Variants in CFAP54 observed in about 807,000 individuals in gnomAD.
CFAP54 encodes the protein cilia and flagella associated protein 54, also known as cilia- and flagella-associated protein 54.
A neutral mutation model predicts 370.4 loss-of-function variants in CFAP54; 290 were observed. The observed-to-expected ratio is 0.78, with a 90% CI of 0.71 to 0.86. CFAP54 has a LOEUF of 0.86. Ranked by LOEUF, CFAP54 falls within the 40% of genes least tolerant of loss-of-function variation. The pLI is 0.00. For synonymous variants in CFAP54, 1,206 were observed against 1,236.5 expected, an observed-to-expected ratio of 0.98 and a Z score of 0.52; for missense variants, 3,399 against 3,528.7, an observed-to-expected ratio of 0.96 and a Z score of 0.93.
At chr12:96,498,463 G>T (rs1467257329) in intron 1 of CFAP54, among the ~76,000 whole-genome samples, 2 of 152,206 alleles carry the variant, frequency 1.3e-5, no homozygotes, top group Admixed American at 1.3e-4. Flanking sequence ...GACCATCCTG[G>T]TCAACATGGT....
chr12:96,817,911 G>C lies in CFAP54; in HGVS notation c.9094G>C (p.Glu3032Gln). The change falls in exon 65 of 68, where the codon GAA becomes CAA. Residue 3032 changes from glutamate (E) to glutamine (Q), a missense_variant and splice_region_variant. This residue lies in a region of CFAP54 where 2,796 missense variants were observed against 2,869.7 expected (regional missense o/e 0.97). Coordinates refer to ENST00000524981, the MANE Select transcript of CFAP54 (RefSeq NM_001306084.2). Reference sequence around the variant, plus strand: ...AGAGGAATCAGTTGATAATGAAATGGAAGTAAGTTGTTAAATAATGGAAAA... The same window carrying C: ...AGAGGAATCAGTTGATAATGAAATGCAAGTAAGTTGTTAAATAATGGAAAA... ...VEEESVDNEM[E>Q]DMIIQCCSEI... 6.8e-7 allele frequency: 1 copy of C among 1,460,502 alleles called. No homozygotes were observed. Among genetic ancestry groups the C allele is most frequent in the Non-Finnish European group, 9.0e-7 (1 of 1,107,440 alleles). The allele number at this position is 1,460,502 out of a possible 1,614,324, so 90.5% of individuals were successfully genotyped here. A position where few individuals can be genotyped will look rare whatever the true frequency, so the allele number is the denominator to read the frequency against.
chr12:96,666,891 C>G (rs1004046753), intron 39 of CFAP54, among the ~76,000 whole-genome samples: 1 of 152,198 alleles, frequency 6.6e-6, no homozygotes, highest in Non-Finnish European at 1.5e-5. Context: ...TCATCTGAGG[C>G]AAGGCAAGTC....
chr12:96,563,106 G>GT (rs886400480), intron 17 of CFAP54, among the ~76,000 whole-genome samples: 3 of 151,570 alleles, frequency 2.0e-5, no homozygotes, highest in East Asian at 1.9e-4. Context: ...GAGGATTAGA[G>GT]TTTTTTTTTA....
At chr12:96,858,639 T>A (rs11836723) in intron 66 of CFAP54, among the ~76,000 whole-genome samples, 1 of 151,904 alleles carries the variant, frequency 6.6e-6, no homozygotes, top group Non-Finnish European at 1.5e-5. Flanking sequence ...CAATACTGTT[T>A]GCAATTGCCA....
intron 49 of CFAP54, among the ~76,000 whole-genome samples, chr12:96,720,063 A>G (rs1957730291): frequency 6.6e-6 from 1 of 152,248 alleles, no homozygotes; most frequent in East Asian, 1.9e-4. Context: ...GCTCTCGGGT[A>G]CTTTTCTCCA....
chr12:96,570,304 T>C (rs1955903040), intron 19 of CFAP54, among the ~76,000 whole-genome samples: 1 of 148,758 alleles, frequency 6.7e-6, no homozygotes, highest in Admixed American at 6.7e-5. Flanking sequence ...GCTCAAGTCT[T>C]TTTTTCTTTT....
chr12:96,710,591 C>G (rs542873759), intron 48 of CFAP54, among the ~76,000 whole-genome samples: 4 of 151,956 alleles, frequency 2.6e-5, no homozygotes, highest in Middle Eastern at 6.8e-3. Flanking sequence ...ACAGGTGAGT[C>G]TTTTACCATC....
In CFAP54 at chr12:96,540,934, G is replaced by A; in HGVS notation, c.2024G>A (p.Ser675Asn). The A allele has an allele frequency of 1.3e-6, 2 of 1,518,984 alleles. No individual in the cohort carries two copies. Among genetic ancestry groups the A allele is most frequent in the Non-Finnish European group, 8.8e-7 (1 of 1,140,338 alleles). The allele number at this position is 1,518,984 out of a possible 1,614,324, so 94.1% of individuals were successfully genotyped here. The change falls in exon 14 of 68, where the codon AGT becomes AAT. Residue 675 changes from serine to asparagine, a missense_variant. Coordinates refer to ENST00000524981, the MANE Select transcript of CFAP54 (RefSeq NM_001306084.2). ...GTGGCAGAAGTCACATTACGGTTAA[G>A]TGAAATATTGGAATCTTTAGGAAGC... ...VVVAEVTLRL[S>N]EILESLGSPG... is the part of the protein sequence containing the mutation.
intron 66 of CFAP54, among the ~76,000 whole-genome samples, chr12:96,851,243 T>A (rs1244932856): frequency 6.8e-6 from 1 of 147,692 alleles, no homozygotes; most frequent in African/African-American, 2.7e-5. Flanking sequence ...TCACCTAACT[T>A]AACATTTTAA....
At chr12:96,505,200 A>T (rs1169895741) in intron 3 of CFAP54, among the ~76,000 whole-genome samples, 1 of 151,518 alleles carries the variant, frequency 6.6e-6, no homozygotes, top group Non-Finnish European at 1.5e-5. Context: ...AGTAGCTGGG[A>T]TTACAGGCGC....
Position 96,761,129 on chromosome 12 carries a change from T to C in CFAP54, c.8041-3022T>C, listed in dbSNP as rs564665070. ...TTTTCCACATCCTTGCTAACACTTG[T>C]TATTATCTACCTTTTTGGTAGTACC... On this transcript the variant is annotated intron_variant, in intron 58 of 67. Transcript: ENST00000524981. Among the ~76,000 whole-genome samples, 7 of 152,348 alleles carry C rather than the reference T, an allele frequency of 4.6e-5. 1 individual carries two copies. Among genetic ancestry groups the C allele is most frequent in the African/African-American group, 1.4e-4 (6 of 41,570 alleles).
rs145569238 is a variant in CFAP54, at chr12:96,609,943, A to G, written c.3639+11176A>G. The stretch of plus-strand genomic sequence containing the variant: ...CCTGAACAGGTAGACTTATTGTCAC[A>G]GAAGTGCAGATCCTTCCTAAAATAA... On this transcript the variant is annotated intron_variant, in intron 26 of 67. Coordinates refer to ENST00000524981, the MANE Select transcript of CFAP54 (RefSeq NM_001306084.2). Among the ~76,000 whole-genome samples the G allele has an allele frequency of 3.7e-3, 567 of 152,374 alleles. 2 individuals carry two copies. Among genetic ancestry groups the G allele is most frequent in the Non-Finnish European group, 6.4e-3 (433 of 68,034 alleles).
chr12:96,679,095 G>A (rs1275889977), intron 39 of CFAP54, among the ~76,000 whole-genome samples: 1 of 152,092 alleles, frequency 6.6e-6, no homozygotes, highest in Non-Finnish European at 1.5e-5. Flanking sequence ...AGGACAGTTA[G>A]TTAGTTCTAT....
chr12:96,784,388 T>C (rs1958609162), intron 60 of CFAP54, among the ~76,000 whole-genome samples: 1 of 152,212 alleles, frequency 6.6e-6, no homozygotes, highest in Admixed American at 6.5e-5. Flanking sequence ...TACTTTTCTA[T>C]GAATTGCCTG....
rs188096827 is a variant in CFAP54, at chr12:96,500,850, A to G, written c.334A>G (p.Asn112Asp). ...TTTTTACAGTGCCACTTCTTTGTTT[A>G]ATATCTGGACTAAATACGCCCCCAG... ...FRRRCATSLF[N>D]IWTKYAPRLP... Residue 112 changes from asparagine to aspartate, a missense_variant, in exon 2 of 68, where the codon AAT (asparagine) becomes GAT (aspartate). By Grantham distance (23) the Asn-to-Asp change is conservative (BLOSUM62 1). Transcript: ENST00000524981. 298 of 1,532,460 alleles carry G rather than the reference A, an allele frequency of 1.9e-4. No homozygotes were observed. The African/African-American group carries it at 3.4e-3, about 17-fold the overall frequency. The allele number at this position is 1,532,460 out of a possible 1,614,324, so 94.9% of individuals were successfully genotyped here. A position where few individuals can be genotyped will look rare whatever the true frequency, so the allele number is the denominator to read the frequency against.
intron 3 of CFAP54, among the ~76,000 whole-genome samples, chr12:96,505,010 CTT>C (rs1955080264): frequency 7.3e-6 from 1 of 136,760 alleles, no homozygotes; most frequent in African/African-American, 2.7e-5. Flanking sequence ...TTCTTTCTTT[CTT>C]TCTTTTTCTT....
At chr12:96,630,253 C>T (rs898103961) in intron 31 of CFAP54, 49 bp downstream of exon 31, 2 of 972,590 alleles carry the variant, frequency 2.1e-6, no homozygotes, top group Non-Finnish European at 3.0e-6. Context: ...TTAAGAGATT[C>T]ATGTATCTAG....
At chr12:96,770,188 ATGTGTGTGTG>A (rs57662567) in intron 60 of CFAP54, among the ~76,000 whole-genome samples, 7 of 151,056 alleles carry the variant, frequency 4.6e-5, no homozygotes, top group African/African-American at 1.2e-4. Flanking sequence ...TGAAGGTGGG[ATGTGTGTGTG>A]TGTGTGTGTG....
intron 50 of CFAP54, among the ~76,000 whole-genome samples, chr12:96,722,470 G>T (rs1388090801): frequency 2.0e-5 from 3 of 152,190 alleles, no homozygotes; most frequent in Admixed American, 2.0e-4. Context: ...TCTTGTGGCT[G>T]GGGTGGAGTG....
Sources: gnomAD v4.1 joint callset for allele counts (sites outside exome capture counted in the v4.1 genomes callset) on GRCh38, gnomAD v4.1.1 for gene constraint, gnomAD v4.1.1 regional missense constraint, MANE v1.5 for transcripts, NCBI Gene and HGNC (gene_info 2026-07-23, HGNC 2026-07-21) for gene names.